Variants in ABCC2 observed in about 807,000 individuals in gnomAD.
ABCC2 encodes ATP-binding cassette sub-family C member 2.
Under a neutral mutation model 173.4 loss-of-function variants are expected in ABCC2, and 157 were observed. That is an observed-to-expected ratio of 0.91 (90% CI 0.80 to 1.03). The LOEUF is 1.03. Among genes scored for constraint, ABCC2 ranks in the 50% least tolerant of loss-of-function variants. The pLI is 0.00. For missense variants in ABCC2, 1,822 were observed against 1,852.3 expected (o/e 0.98, Z 0.30); for synonymous variants, 657 against 693.5 (o/e 0.95, Z 0.83).
At chr10:99,849,681 G>C (rs781365816) in intron 30 of ABCC2, among the ~76,000 whole-genome samples, 1 of 152,230 alleles carries the variant, frequency 6.6e-6, no homozygotes, top group Non-Finnish European at 1.5e-5. Context: ...TTTGGTACAA[G>C]CTAAGTAAAT....
chr10:99,850,771 C>G lies in ABCC2; in HGVS notation c.4483C>G (p.Leu1495Val), dbSNP rs2039077546. ...CACAGTGATCACCATCGCCCACAGG[C>G]TGCACACCATCATGGACAGTGACAA... ...HCTVITIAHR[L>V]HTIMDSDKVM... The change falls in exon 31 of 32, where the codon CTG becomes GTG. Residue 1495 changes from leucine to valine, a missense_variant. Physicochemically the swap from Leu to Val is conservative, Grantham distance 32. Transcript: ENST00000647814. 1 of 1,614,080 alleles carries G rather than the reference C, an allele frequency of 6.2e-7. No homozygotes were observed. Among genetic ancestry groups the G allele is most frequent in the Non-Finnish European group, 8.5e-7 (1 of 1,180,036 alleles).
At chr10:99,800,677 T>C in intron 9 of ABCC2, 114 bp downstream of exon 9, 1 of 1,229,902 alleles carries the variant, frequency 8.1e-7, no homozygotes, top group African/African-American at 1.5e-5. Flanking sequence ...ACACTTAATG[T>C]TGACTGGCCA....
intron 2 of ABCC2, among the ~76,000 whole-genome samples, chr10:99,791,093 A>C (rs1467254080): frequency 1.3e-5 from 2 of 152,114 alleles, no homozygotes; most frequent in African/African-American, 4.8e-5. Context: ...CATAGGACAA[A>C]TACTGATTGG....
intron 19 of ABCC2, among the ~76,000 whole-genome samples, chr10:99,824,205 C>A (rs1160279427): frequency 2.0e-5 from 3 of 151,996 alleles, no homozygotes; most frequent in African/African-American, 7.3e-5. Context: ...AGTAGGAATG[C>A]CTAGAGTTGG....
intron 9 of ABCC2, among the ~76,000 whole-genome samples, chr10:99,803,402 C>T (rs2038044514): frequency 6.6e-6 from 1 of 152,150 alleles, no homozygotes; most frequent in South Asian, 2.1e-4. Flanking sequence ...CATCAAAAGC[C>T]TCTGAGGTCA....
At position 99,819,118 on chromosome 10, in the gene ABCC2, C is replaced by T; in HGVS notation, c.2469C>T (p.His823=). The T allele has an allele frequency of 6.2e-7, 1 of 1,614,152 alleles. No homozygotes were observed. The highest frequency in any genetic ancestry group is 2.2e-5 in the East Asian group (1 of 44,884). ...GACTCTTGGTTACACATAGCATGCA[C>T]TTTCTTCCTCAAGTGGATGAGATTG... The part of the protein sequence containing the change: ...KTRLLVTHSM[H]FLPQVDEIVV... The change falls in exon 19 of 32, where the codon CAC becomes CAT. Residue 823 remains histidine (H), a synonymous_variant. Coordinates refer to ENST00000647814, the MANE Select transcript of ABCC2 (RefSeq NM_000392.5).
chr10:99,784,129 T>C (rs1277821226), intron 1 of ABCC2, among the ~76,000 whole-genome samples: 1 of 151,998 alleles, frequency 6.6e-6, no homozygotes, highest in Non-Finnish European at 1.5e-5. Flanking sequence ...AGGTTTTTAA[T>C]GTAAGCGCTT....
chr10:99,838,331 C>T (rs1167062716), intron 25 of ABCC2, among the ~76,000 whole-genome samples: 6 of 69,774 alleles, frequency 8.6e-5, no homozygotes, highest in East Asian at 5.6e-4. Context: ...GCAGGGGGGC[C>T]GACCCCCCCC....
chr10:99,807,259 C>A, intron 11 of ABCC2, 125 bp from the exon 12 acceptor site: 2 of 1,276,310 alleles, frequency 1.6e-6, no homozygotes, highest in Non-Finnish European at 2.3e-6. Flanking sequence ...TGTAATCATA[C>A]TTTATAATCT....
intron 30 of ABCC2, among the ~76,000 whole-genome samples, chr10:99,849,253 T>C (rs374463064): frequency 9.5e-4 from 144 of 152,318 alleles, no homozygotes; most frequent in African/African-American, 3.3e-3. Context: ...ACACCTACTG[T>C]GTGCCAGGTA....
intron 19 of ABCC2, among the ~76,000 whole-genome samples, chr10:99,822,174 G>A (rs966829890): frequency 3.3e-5 from 5 of 152,162 alleles, no homozygotes; most frequent in Non-Finnish European, 5.9e-5. Context: ...AGGCCCAGTA[G>A]GTATAGTTAG....
intron 30 of ABCC2, among the ~76,000 whole-genome samples, chr10:99,848,259 C>T (rs2039045901): frequency 6.6e-6 from 1 of 152,230 alleles, no homozygotes; most frequent in African/African-American, 2.4e-5. Flanking sequence ...ACTCTCTTGG[C>T]TTTCACAGTT....
chr10:99,784,144 C>T (rs1341755332), intron 1 of ABCC2, among the ~76,000 whole-genome samples: 4 of 152,126 alleles, frequency 2.6e-5, no homozygotes, highest in Admixed American at 2.0e-4. Flanking sequence ...GCGCTTTGGG[C>T]CATCAGAGAG....
chr10:99,832,562 G>A (rs2038758835), intron 23 of ABCC2, among the ~76,000 whole-genome samples: 1 of 152,218 alleles, frequency 6.6e-6, no homozygotes. Context: ...AGCAGGGTGA[G>A]AAGGATTATT....
At chr10:99,804,559 G>A (rs899173961) in intron 10 of ABCC2, among the ~76,000 whole-genome samples, 1 of 152,100 alleles carries the variant, frequency 6.6e-6, no homozygotes, top group African/African-American at 2.4e-5. Flanking sequence ...GCTCTGCTGG[G>A]CTGCCCTAAG....
At chr10:99,822,974 T>C (rs1274345311) in intron 19 of ABCC2, among the ~76,000 whole-genome samples, 1 of 151,480 alleles carries the variant, frequency 6.6e-6, no homozygotes, top group Non-Finnish European at 1.5e-5. Flanking sequence ...AGACAATAAA[T>C]GTTTTTTTAA....
rs527507808 is a variant in ABCC2, at chr10:99,814,170, T to TAC, written c.2094+1032_2094+1033dup. On this transcript the variant is annotated intron_variant, in intron 16 of 31. Transcript: ENST00000647814. The stretch of plus-strand genomic sequence containing the variant: ...ACATGTATGTATACACACGTATATA[T>TAC]ACACACATGTATGTATACACACATG... Among the ~76,000 whole-genome samples the TAC allele has an allele frequency of 8.3e-5, 11 of 132,280 alleles. 3 individuals are homozygous for TAC. The highest frequency in any genetic ancestry group is 4.3e-4 in the Admixed American group (6 of 13,808). 86.8% of individuals were successfully genotyped at this position (132,280 alleles called of 152,430 possible).
rs145008610 is a variant in ABCC2 at position 99,836,223 on chromosome 10, C to A, written c.3547C>A (p.Leu1183Met). 8.5e-5 allele frequency: 138 copies of A among 1,614,216 alleles called. No individual in the cohort carries two copies. The Middle Eastern group carries it at 1.5e-3, about 17-fold the overall frequency. Reference sequence around the variant, plus strand: ...TGCCTTTGAGCACCAGCAGCGATTTCTGAAACACAATGAGGTGAGGATTGA... The same window carrying A: ...TGCCTTTGAGCACCAGCAGCGATTTATGAAACACAATGAGGTGAGGATTGA... The part of the protein sequence containing the change: ...IRAFEHQQRF[L>M]KHNEVRIDTN... The change falls in exon 25 of 32, where the codon CTG becomes ATG. Residue 1183 changes from leucine to methionine, a missense_variant. Coordinates refer to ENST00000647814, the MANE Select transcript of ABCC2 (RefSeq NM_000392.5).
intron 16 of ABCC2, among the ~76,000 whole-genome samples, chr10:99,814,162 C>CATATCT (rs373245901): frequency 3.8e-5 from 1 of 26,618 alleles, no homozygotes; most frequent in African/African-American, 1.6e-4. Flanking sequence ...TGTATACACA[C>CATATCT]GTATATATAC....
Sources: gnomAD v4.1 joint callset for allele counts (sites outside exome capture counted in the v4.1 genomes callset) on GRCh38, gnomAD v4.1.1 for gene constraint, MANE v1.5 for transcripts, NCBI Gene and HGNC (gene_info 2026-07-23, HGNC 2026-07-21) for gene names.